The following PARPBP variants were observed in gnomAD, a reference collection of about 807,000 sequenced individuals.
PARPBP encodes PARP1 binding protein.
PARPBP carries 52 observed loss-of-function variants against 50.0 expected under a neutral mutation model. That is an observed-to-expected ratio of 1.04 (90% CI 0.83 to 1.31). PARPBP has a LOEUF of 1.31. Ranked by LOEUF, PARPBP falls within the 50% of genes most tolerant of loss-of-function variation. The probability of loss-of-function intolerance (pLI) is 0.00; values close to 1 mark genes in which losing one functional copy is unlikely to be tolerated. For synonymous variants in PARPBP, 244 were observed against 232.1 expected (o/e 1.05, Z -0.47); for missense variants, 697 against 672.0 (o/e 1.04, Z -0.41).
At chr12:102,141,598 T>G (rs532969507) in intron 2 of PARPBP, among the ~76,000 whole-genome samples, 1 of 152,238 alleles carries the variant, frequency 6.6e-6, no homozygotes, top group Non-Finnish European at 1.5e-5. Context: ...CTTTAAAATT[T>G]GGCATGTTTT....
chr12:102,137,675 C>G (rs975889627), intron 2 of PARPBP, among the ~76,000 whole-genome samples: 2 of 151,788 alleles, frequency 1.3e-5, no homozygotes, highest in Non-Finnish European at 2.9e-5. Context: ...CCACGACAGG[C>G]CCCAGTTTGT....
chr12:102,139,269 T>TGTGTG (rs1884167824), intron 2 of PARPBP, among the ~76,000 whole-genome samples: 1 of 152,220 alleles, frequency 6.6e-6, no homozygotes, highest in Non-Finnish European at 1.5e-5. Context: ...GAGAGTTCAC[T>TGTGTG]CATGATTTGG....
Position 102,120,252 on chromosome 12 carries a change from C to G in PARPBP, c.-38C>G, listed in dbSNP as rs544661714. 1 of 264,190 alleles carries G rather than the reference C, an allele frequency of 3.8e-6. No individual in the cohort carries two copies. The highest frequency in any genetic ancestry group is 2.3e-5 in the African/African-American group (1 of 43,752). The allele number at this position is 264,190 out of a possible 1,614,324, so 16.4% of individuals were successfully genotyped here. A position where few individuals can be genotyped will look rare whatever the true frequency, so the allele number is the denominator to read the frequency against. On this transcript the variant is annotated 5_prime_UTR_variant, in exon 1 of 11. Coordinates refer to ENST00000327680, the MANE Select transcript of PARPBP (RefSeq NM_017915.5). ...ATCCCGTTGGGGATCCTTCCGCACA[C>G]TGAAGAGTACGTCTTCGGGTCTACC...
At chr12:102,189,481 T>C (rs1029794407) in intron 9 of PARPBP, among the ~76,000 whole-genome samples, 26 of 152,230 alleles carry the variant, frequency 1.7e-4, no homozygotes, top group Non-Finnish European at 3.1e-4. Context: ...GTTTTAAATT[T>C]TATTTAATTG....
intron 2 of PARPBP, among the ~76,000 whole-genome samples, chr12:102,136,384 A>C (rs987313013): frequency 1.3e-5 from 2 of 152,234 alleles, no homozygotes; most frequent in African/African-American, 2.4e-5. Flanking sequence ...ACTATATTCA[A>C]ATCACCTCCT....
chr12:102,122,438 T>C (rs1316251176), intron 1 of PARPBP, among the ~76,000 whole-genome samples: 1 of 152,208 alleles, frequency 6.6e-6, no homozygotes. Flanking sequence ...GGATTCTGTT[T>C]ATGCCACATA....
At chr12:102,169,694 C>T (rs1410893812) in intron 6 of PARPBP, among the ~76,000 whole-genome samples, 2 of 152,104 alleles carry the variant, frequency 1.3e-5, no homozygotes, top group African/African-American at 4.8e-5. Flanking sequence ...CTTAAGTTGC[C>T]CTATCCTGTC....
intron 6 of PARPBP, among the ~76,000 whole-genome samples, chr12:102,171,779 G>A (rs1481020089): frequency 6.6e-6 from 1 of 151,786 alleles, no homozygotes; most frequent in Non-Finnish European, 1.5e-5. Flanking sequence ...TGAGGCAGGA[G>A]AATGGCGTGA....
At chr12:102,130,179 T>C (rs1317689414) in intron 2 of PARPBP, among the ~76,000 whole-genome samples, 1 of 152,186 alleles carries the variant, frequency 6.6e-6, no homozygotes, top group East Asian at 1.9e-4. Context: ...CTGGGATAAC[T>C]GGCTAACCAT....
intron 4 of PARPBP, among the ~76,000 whole-genome samples, chr12:102,158,118 C>G (rs1179666398): frequency 1.1e-5 from 1 of 88,402 alleles, no homozygotes; most frequent in East Asian, 4.0e-4. Flanking sequence ...GAGACTCCAT[C>G]TCAAAAAAAA....
intron 2 of PARPBP, among the ~76,000 whole-genome samples, chr12:102,131,086 A>G (rs1882786460): frequency 6.6e-6 from 1 of 152,162 alleles, no homozygotes; most frequent in South Asian, 2.1e-4. Flanking sequence ...GCACTTTGGG[A>G]GGCCAAGGTG....
At chr12:102,194,864 C>T (rs1891127271) in intron 9 of PARPBP, among the ~76,000 whole-genome samples, 1 of 151,348 alleles carries the variant, frequency 6.6e-6, no homozygotes, top group South Asian at 2.1e-4. Flanking sequence ...CATTTCTTCC[C>T]TCCCTAATTT....
intron 10 of PARPBP, among the ~76,000 whole-genome samples, chr12:102,195,664 A>C (rs1250135939): frequency 6.6e-6 from 1 of 151,746 alleles, no homozygotes; most frequent in Non-Finnish European, 1.5e-5. Flanking sequence ...TTAAGAAGTA[A>C]TTTGTAGCAT....
At chr12:102,166,446 C>T (rs551361394) in intron 6 of PARPBP, among the ~76,000 whole-genome samples, 1 of 152,076 alleles carries the variant, frequency 6.6e-6, no homozygotes, top group South Asian at 2.1e-4. Flanking sequence ...GTAATGCTAG[C>T]AATCATGGTG....
chr12:102,146,856 C>A (rs1885429236), intron 2 of PARPBP, among the ~76,000 whole-genome samples: 1 of 151,868 alleles, frequency 6.6e-6, no homozygotes, highest in Non-Finnish European at 1.5e-5. Flanking sequence ...ACAATGAACT[C>A]AAACAAATTT....
chr12:102,185,899 C>T (rs917354689), intron 9 of PARPBP, among the ~76,000 whole-genome samples: 2 of 152,160 alleles, frequency 1.3e-5, no homozygotes, highest in African/African-American at 2.4e-5. Context: ...AATGATCCAC[C>T]TGCCTCGGCC....
chr12:102,141,053 T>A (rs1884509141), intron 2 of PARPBP, among the ~76,000 whole-genome samples: 1 of 152,200 alleles, frequency 6.6e-6, no homozygotes, highest in Non-Finnish European at 1.5e-5. Flanking sequence ...ACTTTCTGTC[T>A]TGTTGATCTA....
intron 4 of PARPBP, among the ~76,000 whole-genome samples, chr12:102,158,604 T>C (rs1019114358): frequency 1.3e-5 from 2 of 152,230 alleles, no homozygotes; most frequent in Non-Finnish European, 2.9e-5. Context: ...TTGCTTGAAA[T>C]TAATTTTTCA....
intron 6 of PARPBP, among the ~76,000 whole-genome samples, chr12:102,173,593 A>T (rs929387652): frequency 4.6e-5 from 7 of 151,758 alleles, no homozygotes; most frequent in African/African-American, 1.5e-4. Context: ...AAATAGAAGG[A>T]TTTTTTTTTA....
Sources: gnomAD v4.1 joint callset for allele counts (sites outside exome capture counted in the v4.1 genomes callset) on GRCh38, gnomAD v4.1.1 for gene constraint, MANE v1.5 for transcripts, NCBI Gene and HGNC (gene_info 2026-07-23, HGNC 2026-07-21) for gene names.